Variants in PDS5A observed in about 807,000 individuals in gnomAD.
The protein encoded by PDS5A is PDS5 cohesin associated factor A.
In PDS5A, 42 loss-of-function variants were observed where a neutral mutation model predicts 167.1. The ratio of observed to expected loss-of-function variants is 0.25; its 90% confidence interval spans 0.20 to 0.33. The LOEUF is 0.33. Ranked by LOEUF, PDS5A falls within the 10% of genes least tolerant of loss-of-function variation. The pLI is 1.00. For synonymous variants in PDS5A, 553 were observed against 554.6 expected, an observed-to-expected ratio of 1.00 and a Z score of 0.04; for missense variants, 1,033 against 1,605.9, an observed-to-expected ratio of 0.64 and a Z score of 6.10.
chr4:39,870,253 ACT>A (rs961863746), intron 21 of PDS5A, among the ~76,000 whole-genome samples: 4 of 152,110 alleles, frequency 2.6e-5, no homozygotes, highest in Admixed American at 6.6e-5. Flanking sequence ...AAACCATAAA[ACT>A]CTGAAAAGAT....
intron 2 of PDS5A, among the ~76,000 whole-genome samples, chr4:39,945,447 C>T (rs376606206): frequency 5.9e-5 from 7 of 119,080 alleles, no homozygotes; most frequent in Admixed American, 5.1e-4. Context: ...GGCGACAGAG[C>T]GAGACTGCCT....
chr4:39,969,246 C>A lies in PDS5A; in HGVS notation c.138+7194G>T, dbSNP rs1163421520. Among the ~76,000 whole-genome samples, 4 of 152,134 alleles carry A rather than the reference C, an allele frequency of 2.6e-5. No individual in the cohort carries two copies. The East Asian group carries it at 7.7e-4, about 29-fold the overall frequency. On this transcript the variant is annotated intron_variant, in intron 2 of 32. Transcript: ENST00000303538. The stretch of plus-strand genomic sequence containing the variant: ...TTAGGTGACTAGCGTTGTTCACAAC[C>A]TATCAAATGGTCAGTTTCTTCACCT...
In PDS5A at chr4:39,831,352, G is replaced by A. The variant is rs566360655; in HGVS notation, c.4011-5864C>T. On this transcript the variant is annotated intron_variant, in intron 32 of 32. Transcript: ENST00000303538. ...CTGACCTCGTGATCTGCCCACCTTGGCATCCTAAAGTGCTGGGATTACAGG... is the reference window on the plus strand; with the variant it reads ...CTGACCTCGTGATCTGCCCACCTTGACATCCTAAAGTGCTGGGATTACAGG... Among the ~76,000 whole-genome samples the A allele has an allele frequency of 4.6e-5, 7 of 152,040 alleles. No individual in the cohort carries two copies. In the South Asian group the frequency reaches 1.2e-3, roughly 27 times the overall value.
intron 2 of PDS5A, among the ~76,000 whole-genome samples, chr4:39,960,321 T>A (rs1050071251): frequency 3.3e-5 from 5 of 151,928 alleles, no homozygotes; most frequent in Admixed American, 6.6e-5. Flanking sequence ...ATTATGGAAG[T>A]TACCAACTTT....
intron 2 of PDS5A, among the ~76,000 whole-genome samples, chr4:39,962,129 C>T (rs1355820423): frequency 6.6e-6 from 1 of 151,938 alleles, no homozygotes; most frequent in Non-Finnish European, 1.5e-5. Flanking sequence ...ACAATCTCAG[C>T]TCACTGCAAG....
intron 26 of PDS5A, among the ~76,000 whole-genome samples, chr4:39,857,271 G>T (rs934470275): frequency 5.3e-5 from 8 of 150,648 alleles, no homozygotes; most frequent in African/African-American, 2.0e-4. Context: ...AGAATGGCGT[G>T]AACCCGGGAG....
At chr4:39,833,564 T>C (rs1324544401) in intron 32 of PDS5A, among the ~76,000 whole-genome samples, 1 of 152,004 alleles carries the variant, frequency 6.6e-6, no homozygotes, top group Non-Finnish European at 1.5e-5. Flanking sequence ...ATTTTTCTAT[T>C]TTTTTTGTAG....
chr4:39,859,977 T>A (rs1162358510), intron 26 of PDS5A, among the ~76,000 whole-genome samples: 3 of 151,990 alleles, frequency 2.0e-5, no homozygotes, highest in African/African-American at 7.3e-5. Context: ...CTCATGCCTG[T>A]AATCCCAGAA....
chr4:39,924,256 C>T (rs529857394), intron 5 of PDS5A, among the ~76,000 whole-genome samples: 2 of 152,198 alleles, frequency 1.3e-5, no homozygotes, highest in East Asian at 3.9e-4. Context: ...AAATCCAACC[C>T]AAATAAAATC....
intron 32 of PDS5A, among the ~76,000 whole-genome samples, chr4:39,825,936 A>AT (rs1314145653): frequency 2.0e-5 from 3 of 151,988 alleles, no homozygotes; most frequent in Admixed American, 1.3e-4. Flanking sequence ...AAGTTTTTTC[A>AT]TTTTTTCACC....
At chr4:39,899,851 TAAAAAAAAAAAAAA>T (rs532738160) in intron 14 of PDS5A, among the ~76,000 whole-genome samples, 10 of 102,406 alleles carry the variant, frequency 9.8e-5, no homozygotes, top group Admixed American at 1.1e-4. Flanking sequence ...TCCTGTGTAT[TAAAAAAAAAAAAAA>T]AAAAAAAAAA....
intron 2 of PDS5A, among the ~76,000 whole-genome samples, chr4:39,950,357 G>A (rs1194453893): frequency 1.3e-5 from 2 of 151,918 alleles, no homozygotes; most frequent in African/African-American, 2.4e-5. Context: ...AACCCGGGAG[G>A]TGGAGATTGC....
intron 7 of PDS5A, among the ~76,000 whole-genome samples, chr4:39,919,239 A>G (rs1724689387): frequency 6.6e-6 from 1 of 152,232 alleles, no homozygotes; most frequent in Non-Finnish European, 1.5e-5. Context: ...GAAACACTGA[A>G]AAGACCTAGA....
intron 8 of PDS5A, 106 bp downstream of exon 8, chr4:39,916,941 AT>A: frequency 1.9e-6 from 1 of 537,786 alleles, no homozygotes; most frequent in Non-Finnish European, 3.1e-6. Flanking sequence ...TGCGGTATAC[AT>A]TTTTCCTGGA....
chr4:39,879,604 C>T, intron 18 of PDS5A, 124 bp downstream of exon 18: 13 of 538,016 alleles, frequency 2.4e-5, no homozygotes, highest in South Asian at 9.3e-5. Context: ...ATCTAATTTC[C>T]AACACAAGTT....
intron 6 of PDS5A, 93 bp downstream of exon 6, chr4:39,922,529 A>T: frequency 9.1e-7 from 1 of 1,101,912 alleles, no homozygotes; most frequent in Non-Finnish European, 1.2e-6. Context: ...GAACAATTAC[A>T]TGGGATTGCA....
At chr4:39,973,985 G>T in intron 2 of PDS5A, 1 of 487,780 alleles carries the variant, frequency 2.1e-6, no homozygotes, top group South Asian at 2.0e-5. Flanking sequence ...AATTAGCCGG[G>T]CATGATGGCG....
intron 26 of PDS5A, among the ~76,000 whole-genome samples, chr4:39,852,734 C>T (rs1202949689): frequency 6.6e-6 from 1 of 152,134 alleles, no homozygotes; most frequent in African/African-American, 2.4e-5. Context: ...GCTGCTTCTA[C>T]CATCCTCTCC....
chr4:39,875,587 C>T (rs1578650256), intron 19 of PDS5A, among the ~76,000 whole-genome samples: 1 of 152,190 alleles, frequency 6.6e-6, no homozygotes, highest in South Asian at 2.1e-4. Context: ...TGCACTTTAA[C>T]CAAAAATGGG....
Sources: gnomAD v4.1 joint callset for allele counts (sites outside exome capture counted in the v4.1 genomes callset) on GRCh38, gnomAD v4.1.1 for gene constraint, MANE v1.5 for transcripts, NCBI Gene and HGNC (gene_info 2026-07-23, HGNC 2026-07-21) for gene names.